The following CDH11 variants were observed in gnomAD, a reference collection of about 807,000 sequenced individuals.
CDH11 encodes the protein cadherin-11.
In CDH11, 11 loss-of-function variants were observed where a neutral mutation model predicts 67.8. The observed-to-expected ratio is 0.16, with a 90% confidence interval of 0.10 to 0.27. The LOEUF is 0.27. Ranked by LOEUF, CDH11 falls within the 10% of genes least tolerant of loss-of-function variation. The pLI is 1.00. For synonymous variants in CDH11, 419 were observed against 400.0 expected (o/e 1.05, Z -0.57); for missense variants, 847 against 1,031.2 (o/e 0.82, Z 2.45).
chr16:65,012,046 T>C (rs1385019158), intron 2 of CDH11, among the ~76,000 whole-genome samples: 1 of 152,214 alleles, frequency 6.6e-6, no homozygotes, highest in African/African-American at 2.4e-5. Flanking sequence ...ATACCTCCAA[T>C]ATGTAGACTG....
At chr16:64,998,335 C>T (rs531034635) in intron 4 of CDH11, among the ~76,000 whole-genome samples, 27 of 152,388 alleles carry the variant, frequency 1.8e-4, no homozygotes, top group East Asian at 3.9e-4. Context: ...ACCTATTAGA[C>T]ATCAATACGC....
intron 2 of CDH11, among the ~76,000 whole-genome samples, chr16:65,051,304 C>G (rs2074052348): frequency 6.6e-6 from 1 of 152,136 alleles, no homozygotes; most frequent in Non-Finnish European, 1.5e-5. Context: ...GAGAAATTAT[C>G]AGAAATGTAT....
intron 11 of CDH11, among the ~76,000 whole-genome samples, chr16:64,951,441 T>C (rs1018942326): frequency 3.9e-5 from 6 of 151,954 alleles, no homozygotes; most frequent in African/African-American, 1.5e-4. Flanking sequence ...CGATCAGATA[T>C]TATTTCCCTA....
chr16:64,996,906 C>T (rs1018902231), intron 4 of CDH11, among the ~76,000 whole-genome samples: 1 of 152,032 alleles, frequency 6.6e-6, no homozygotes, highest in Admixed American at 6.6e-5. Flanking sequence ...GGACAAGTGC[C>T]GAAATCTGTT....
chr16:64,997,300 A>AAAAT (rs71143544), intron 4 of CDH11, among the ~76,000 whole-genome samples: 55,024 of 124,848 alleles, frequency 0.44, 13,347 homozygotes, highest in East Asian at 0.62. Flanking sequence ...ACTCTGTCTC[A>AAAAT]AAATAAATAA....
intron 8 of CDH11, among the ~76,000 whole-genome samples, chr16:64,980,250 C>T (rs1038180560): frequency 6.0e-5 from 9 of 150,102 alleles, no homozygotes; most frequent in African/African-American, 2.2e-4. Flanking sequence ...TTTTTCACAA[C>T]AGAAAAAAAA....
intron 8 of CDH11, among the ~76,000 whole-genome samples, chr16:64,980,343 C>T (rs891514642): frequency 2.0e-5 from 3 of 152,176 alleles, no homozygotes; most frequent in African/African-American, 7.2e-5. Context: ...AGACAGACAT[C>T]CAGCTCTTTG....
At chr16:64,983,121 CT>C (rs1279542578) in intron 7 of CDH11, 2 of 135,220 alleles carry the variant, frequency 1.5e-5, no homozygotes, top group Non-Finnish European at 3.2e-5. Flanking sequence ...GAAATGTTTC[CT>C]TTTTTAAAAT....
upstream of CDH11, chr16:65,122,296 C>A: frequency 2.9e-6 from 1 of 343,108 alleles, no homozygotes; most frequent in Non-Finnish European, 5.4e-6. Context: ...ATGCTAACCC[C>A]TGGATTCGTG....
chr16:64,982,840 G>A (rs777920943), intron 7 of CDH11: 1 of 153,352 alleles, frequency 6.5e-6, no homozygotes, highest in Non-Finnish European at 1.5e-5. Context: ...TGGCCCATAA[G>A]ATGACATAGG....
intron 2 of CDH11, among the ~76,000 whole-genome samples, chr16:65,015,212 AG>A (rs2073277101): frequency 6.6e-6 from 1 of 151,882 alleles, no homozygotes; most frequent in South Asian, 2.1e-4. Context: ...AAAGATGTAC[AG>A]GGGAAAAGTT....
chr16:64,971,826 G>A, intron 10 of CDH11, 105 bp downstream of exon 10: 2 of 1,448,150 alleles, frequency 1.4e-6, no homozygotes. Flanking sequence ...CTATGGCTCT[G>A]AAACCTTTTT....
chr16:64,948,496 A>C, intron 12 of CDH11: 2 of 910,914 alleles, frequency 2.2e-6, no homozygotes, highest in Non-Finnish European at 3.5e-6. Context: ...AGGTTTAAAA[A>C]TGAGGACATG....
At chr16:65,025,460 A>C (rs1188814963) in intron 2 of CDH11, among the ~76,000 whole-genome samples, 1 of 152,132 alleles carries the variant, frequency 6.6e-6, no homozygotes, top group Non-Finnish European at 1.5e-5. Flanking sequence ...CTCCTGCCTC[A>C]GCCTCCTGAG....
At chr16:65,037,287 C>G (rs2073771859) in intron 2 of CDH11, among the ~76,000 whole-genome samples, 1 of 152,130 alleles carries the variant, frequency 6.6e-6, no homozygotes, top group Admixed American at 6.5e-5. Flanking sequence ...AATTCCCCAC[C>G]ACCCCGATTT....
intron 1 of CDH11, among the ~76,000 whole-genome samples, chr16:65,076,306 G>T (rs998793577): frequency 6.6e-6 from 1 of 151,968 alleles, no homozygotes; most frequent in African/African-American, 2.4e-5. Context: ...TTGCTTCTTT[G>T]GTTGTTCTTT....
intron 2 of CDH11, among the ~76,000 whole-genome samples, chr16:65,005,365 G>A (rs925173572): frequency 7.2e-5 from 11 of 152,174 alleles, no homozygotes; most frequent in African/African-American, 2.7e-4. Flanking sequence ...AAGAAAACGG[G>A]GAATTAAAGG....
chr16:65,024,439 T>C (rs1330362937), intron 2 of CDH11, among the ~76,000 whole-genome samples: 1 of 152,170 alleles, frequency 6.6e-6, no homozygotes, highest in African/African-American at 2.4e-5. Flanking sequence ...TTTTTGAAGT[T>C]CTCTGTGTGA....
chr16:65,098,169 A>G (rs2074931422), intron 1 of CDH11, among the ~76,000 whole-genome samples: 1 of 152,180 alleles, frequency 6.6e-6, no homozygotes, highest in Non-Finnish European at 1.5e-5. Flanking sequence ...ACCAATGGGT[A>G]TCTTCAGGGA....
Sources: gnomAD v4.1 joint callset for allele counts (sites outside exome capture counted in the v4.1 genomes callset) on GRCh38, gnomAD v4.1.1 for gene constraint, MANE v1.5 for transcripts, NCBI Gene and HGNC (gene_info 2026-07-23, HGNC 2026-07-21) for gene names.